The following SNX10 variants were observed in gnomAD, a reference collection of about 807,000 sequenced individuals.
SNX10 encodes the protein sorting nexin 10.
A neutral mutation model predicts 28.5 loss-of-function variants in SNX10; 25 were observed. That is an observed-to-expected ratio of 0.88 (90% CI 0.64 to 1.22). SNX10 has a LOEUF of 1.22. Ranked by LOEUF, SNX10 falls within the 50% of genes most tolerant of loss-of-function variation. The pLI is 0.00. For synonymous variants in SNX10, 62 were observed against 81.4 expected, an observed-to-expected ratio of 0.76 and a Z score of 1.28; for missense variants, 223 against 242.6, an observed-to-expected ratio of 0.92 and a Z score of 0.54.
At chr7:26,351,041 A>G (rs1285394612) in intron 2 of SNX10, among the ~76,000 whole-genome samples, 1 of 152,010 alleles carries the variant, frequency 6.6e-6, no homozygotes, top group Non-Finnish European at 1.5e-5. Context: ...ACTTTGAGCT[A>G]TTTCTTTCTA....
chr7:26,305,692 C>T (rs976802759), intron 1 of SNX10, among the ~76,000 whole-genome samples: 6 of 152,124 alleles, frequency 3.9e-5, no homozygotes, highest in Non-Finnish European at 7.4e-5. Context: ...AGACGCAGAC[C>T]GGATGCTGCG....
At chr7:26,371,691 C>T in intron 5 of SNX10, 130 bp from the exon 6 acceptor site, 1 of 669,966 alleles carries the variant, frequency 1.5e-6, no homozygotes, top group Admixed American at 2.7e-5. Flanking sequence ...GGGCAGAGCC[C>T]ATAATTGATA....
At position 26,292,004 on chromosome 7, in the gene SNX10, G is replaced by T. The variant is rs140694791; in HGVS notation, c.-106G>T. 0.022 allele frequency: 3,357 copies of T among 150,466 alleles called. 109 individuals carry two copies. Among genetic ancestry groups the T allele is most frequent in the East Asian group, 0.087 (427 of 4,906 alleles). 9.3% of individuals were successfully genotyped at this position (150,466 alleles called of 1,614,324 possible). ...GGCGCTCGCCGCCGCCGCTGCCGCCGCGCGCCTTTGAGTCAGCAAACTCCG... is the reference window on the plus strand; with the variant it reads ...GGCGCTCGCCGCCGCCGCTGCCGCCTCGCGCCTTTGAGTCAGCAAACTCCG... On this transcript the variant is annotated 5_prime_UTR_variant, in exon 1 of 7. Transcript: ENST00000338523.
intron 1 of SNX10, among the ~76,000 whole-genome samples, chr7:26,340,594 A>G (rs1788144319): frequency 1.3e-5 from 2 of 152,214 alleles, no homozygotes; most frequent in South Asian, 2.1e-4. Context: ...CTCTCAGGGC[A>G]GTGGGGTTGT....
At chr7:26,346,088 A>G (rs977013026) in intron 1 of SNX10, among the ~76,000 whole-genome samples, 1 of 152,092 alleles carries the variant, frequency 6.6e-6, no homozygotes, top group Admixed American at 6.6e-5. Context: ...CCCCCCGCAC[A>G]TGGCTTCTGC....
At chr7:26,292,562 G>C (rs763146953) in intron 1 of SNX10, among the ~76,000 whole-genome samples, 7 of 152,214 alleles carry the variant, frequency 4.6e-5, no homozygotes, top group Non-Finnish European at 7.4e-5. Flanking sequence ...GAGGGAGAAG[G>C]CCCAGGGGAA....
chr7:26,368,446 A>G (rs576136338), intron 5 of SNX10, among the ~76,000 whole-genome samples: 1 of 152,298 alleles, frequency 6.6e-6, no homozygotes, highest in African/African-American at 2.4e-5. Context: ...AAAAATATAA[A>G]CTCAGTAAGT....
At chr7:26,318,429 A>G (rs1341093289) in intron 1 of SNX10, among the ~76,000 whole-genome samples, 5 of 152,106 alleles carry the variant, frequency 3.3e-5, no homozygotes, top group Non-Finnish European at 7.4e-5. Flanking sequence ...TGAAGAAAAA[A>G]GTACCAATAA....
intron 1 of SNX10, among the ~76,000 whole-genome samples, chr7:26,321,849 T>A (rs2128000570): frequency 6.6e-6 from 1 of 152,016 alleles, no homozygotes; most frequent in Non-Finnish European, 1.5e-5. Flanking sequence ...CCTCAAGATA[T>A]CCTCTTGAGT....
At chr7:26,307,680 C>A (rs1786652514) in intron 1 of SNX10, among the ~76,000 whole-genome samples, 1 of 144,062 alleles carries the variant, frequency 6.9e-6, no homozygotes, top group Non-Finnish European at 1.5e-5. Context: ...GGCTAGCATT[C>A]TTTTTTTTTT....
intron 1 of SNX10, among the ~76,000 whole-genome samples, chr7:26,329,665 G>T (rs12671122): frequency 0.033 from 4,962 of 152,218 alleles, 163 homozygotes; most frequent in East Asian, 0.2. Flanking sequence ...TGCTGATACC[G>T]TGTACCTGCT....
At chr7:26,295,443 A>G (rs751203609) in intron 1 of SNX10, among the ~76,000 whole-genome samples, 3 of 152,022 alleles carry the variant, frequency 2.0e-5, no homozygotes, top group African/African-American at 4.8e-5. Context: ...GTGGTCACCC[A>G]TGGTGGAAAG....
chr7:26,362,070 C>CT (rs3839813), intron 3 of SNX10, among the ~76,000 whole-genome samples: 26,383 of 152,128 alleles, frequency 0.17, 2,513 homozygotes, highest in South Asian at 0.35. Flanking sequence ...TAGAACTTTT[C>CT]TTTTTTTAAA....
At chr7:26,328,853 T>C (rs1787612533) in intron 1 of SNX10, among the ~76,000 whole-genome samples, 1 of 152,212 alleles carries the variant, frequency 6.6e-6, no homozygotes, top group African/African-American at 2.4e-5. Flanking sequence ...GAATGCATGC[T>C]ATGGTTCCTC....
rs77155377 is a variant in SNX10, at chr7:26,365,824, G to A, written c.311+679G>A. 1.0e-3 allele frequency among the ~76,000 whole-genome samples: 148 copies of A among 145,328 alleles called. No homozygotes were observed. In the East Asian group the frequency reaches 0.025, roughly 24 times the overall value. On this transcript the variant is annotated intron_variant, in intron 5 of 6. Coordinates refer to ENST00000338523, the MANE Select transcript of SNX10 (RefSeq NM_013322.3). Reference sequence around the variant, plus strand: ...TAGACTCCGAGGCCAGGCTACCTGAGTTCAGATCCTCGCTCTGCCACTTAC... The same window carrying A: ...TAGACTCCGAGGCCAGGCTACCTGAATTCAGATCCTCGCTCTGCCACTTAC...
At chr7:26,301,290 A>C (rs534356959) in intron 1 of SNX10, among the ~76,000 whole-genome samples, 1 of 152,356 alleles carries the variant, frequency 6.6e-6, no homozygotes, top group East Asian at 1.9e-4. Context: ...CTGGCAAGGC[A>C]GAATTTATAA....
At chr7:26,322,577 T>C (rs554352095) in intron 1 of SNX10, among the ~76,000 whole-genome samples, 10 of 151,968 alleles carry the variant, frequency 6.6e-5, no homozygotes, top group African/African-American at 2.4e-4. Context: ...TTTTTCTTTA[T>C]ATTTTTACAA....
intron 2 of SNX10, among the ~76,000 whole-genome samples, chr7:26,353,297 G>T (rs1278764450): frequency 1.3e-5 from 2 of 152,062 alleles, no homozygotes; most frequent in South Asian, 2.1e-4. Context: ...AATAAAGAAA[G>T]GTTGCTTGAT....
intron 1 of SNX10, among the ~76,000 whole-genome samples, chr7:26,343,363 T>G (rs1348209837): frequency 6.6e-6 from 1 of 152,194 alleles, no homozygotes; most frequent in East Asian, 1.9e-4. Flanking sequence ...TAGTGTGACC[T>G]TGGGCAACTT....
Sources: gnomAD v4.1 joint callset for allele counts (sites outside exome capture counted in the v4.1 genomes callset) on GRCh38, gnomAD v4.1.1 for gene constraint, MANE v1.5 for transcripts, NCBI Gene and HGNC (gene_info 2026-07-23, HGNC 2026-07-21) for gene names.